Variants in FAT1 observed in about 807,000 individuals in gnomAD.
FAT1 encodes FAT atypical cadherin 1, also known as protocadherin Fat 1.
FAT1 carries 171 observed loss-of-function variants against 329.8 expected under a neutral mutation model. The observed-to-expected ratio is 0.52, with a 90% CI of 0.46 to 0.59. The LOEUF (loss-of-function observed/expected upper bound fraction) is 0.59. Ranked by LOEUF, FAT1 falls within the 20% of genes least tolerant of loss-of-function variation. The probability of loss-of-function intolerance (pLI) is 0.00; values close to 1 mark genes in which losing one functional copy is unlikely to be tolerated. For missense variants in FAT1, 5,672 were observed against 5,774.4 expected, an observed-to-expected ratio of 0.98 and a Z score of 0.57; for synonymous variants, 2,233 against 2,228.6, an observed-to-expected ratio of 1.00 and a Z score of -0.06.
intron 3 of FAT1, among the ~76,000 whole-genome samples, chr4:186,660,067 G>A (rs1379300299): frequency 1.3e-5 from 2 of 152,304 alleles, no homozygotes; most frequent in South Asian, 2.1e-4. Flanking sequence ...ACTATGGTCC[G>A]GATCTCTGGA....
intron 22 of FAT1, among the ~76,000 whole-genome samples, chr4:186,599,576 C>T (rs1385056773): frequency 1.3e-5 from 2 of 152,148 alleles, no homozygotes; most frequent in East Asian, 1.9e-4. Flanking sequence ...CTAAGCGGTA[C>T]GAATTCTAAA....
At chr4:186,634,805 T>C (rs1200069108) in intron 6 of FAT1, among the ~76,000 whole-genome samples, 3 of 152,236 alleles carry the variant, frequency 2.0e-5, no homozygotes, top group Admixed American at 1.3e-4. Context: ...GCGTGTCTCC[T>C]GGCACAGCCA....
chr4:186,628,236 G>T lies in FAT1; in HGVS notation c.4728C>A (p.Ala1576=). ...SYKGRVYESA[A]VGSVVLQVTA... is the part of the protein sequence containing the mutation. The stretch of plus-strand genomic sequence containing the variant: ...TCACCTGCAACACAACTGAGCCAAC[G>T]GCTGCCGATTCATAAACCCGCCCTT... The change falls in exon 9 of 27, where the codon GCC becomes GCA. Residue 1576 remains alanine, a synonymous_variant. Coordinates refer to ENST00000441802, the MANE Select transcript of FAT1 (RefSeq NM_005245.4). 2.5e-6 allele frequency: 4 copies of T among 1,613,890 alleles called. No homozygotes were observed. The highest frequency in any genetic ancestry group is 1.6e-4 in the Middle Eastern group (1 of 6,062).
At chr4:186,629,343 C>T (rs1229434590) in intron 7 of FAT1, among the ~76,000 whole-genome samples, 1 of 152,086 alleles carries the variant, frequency 6.6e-6, no homozygotes, top group Non-Finnish European at 1.5e-5. Context: ...AATATGTTTA[C>T]TCCCTAAAAC....
In FAT1 at chr4:186,588,344, ATTATT is replaced by A; in HGVS notation, c.*243_*247del. On this transcript the variant is annotated 3_prime_UTR_variant, in exon 27 of 27. Coordinates refer to ENST00000441802, the MANE Select transcript of FAT1 (RefSeq NM_005245.4). Reference sequence around the variant, plus strand: ...CAACACAGGACTGATTTTTCGTTTGATTATTTTAACACAGACAGATGTAAATCCCA... The same window carrying A: ...CAACACAGGACTGATTTTTCGTTTGATTAACACAGACAGATGTAAATCCCA... 2.1e-6 allele frequency: 1 copy of A among 472,548 alleles called. No individual in the cohort carries two copies. Among genetic ancestry groups the A allele is most frequent in the Non-Finnish European group, 3.7e-6 (1 of 269,082 alleles). The allele number at this position is 472,548 out of a possible 1,614,324, so 29.3% of individuals were successfully genotyped here.
chr4:186,667,112 T>A (rs1437231500), intron 2 of FAT1, among the ~76,000 whole-genome samples: 1 of 152,242 alleles, frequency 6.6e-6, no homozygotes, highest in Non-Finnish European at 1.5e-5. Context: ...AAAAGAATTA[T>A]GAAATGGAAG....
Position 186,721,235 on chromosome 4 carries a change from C to T in FAT1, c.-19+2429G>A, listed in dbSNP as rs138912593. On this transcript the variant is annotated intron_variant, in intron 1 of 26. Coordinates refer to ENST00000441802, the MANE Select transcript of FAT1 (RefSeq NM_005245.4). ...TCAGGCAATGTATTTAAATCTGGGA[C>T]TTACAGTAAAAGATGACTTAAAAAA... Among the ~76,000 whole-genome samples, 277 of 152,120 alleles carry T rather than the reference C, an allele frequency of 1.8e-3. 1 individual carries two copies. Among genetic ancestry groups the T allele is most frequent in the African/African-American group, 6.5e-3 (268 of 41,396 alleles).
intron 7 of FAT1, among the ~76,000 whole-genome samples, chr4:186,629,988 G>A (rs1172592202): frequency 6.6e-6 from 1 of 152,166 alleles, no homozygotes; most frequent in Non-Finnish European, 1.5e-5. Flanking sequence ...AGTGGGTACT[G>A]AGCAGAGAAG....
At chr4:186,625,135 C>T (rs941614537) in intron 9 of FAT1, among the ~76,000 whole-genome samples, 1 of 152,154 alleles carries the variant, frequency 6.6e-6, no homozygotes, top group Non-Finnish European at 1.5e-5. Flanking sequence ...TTTTAACCAC[C>T]CAGTTGTTGA....
At chr4:186,712,169 C>T (rs187166357) in intron 1 of FAT1, among the ~76,000 whole-genome samples, 1 of 152,290 alleles carries the variant, frequency 6.6e-6, no homozygotes, top group Admixed American at 6.5e-5. Flanking sequence ...ACTGGAAAAA[C>T]GAAGCTGATC....
At position 186,604,464 on chromosome 4, in the gene FAT1, C is replaced by G. The variant is rs779052617; in HGVS notation, c.10461G>C (p.Lys3487Asn). Residue 3487 changes from lysine (K) to asparagine (N), a missense_variant, in exon 18 of 27, where the codon AAG becomes AAC. Transcript: ENST00000441802. ...FFTIVTGNDE[K>N]AFEVNPQGVL... The stretch of plus-strand genomic sequence containing the variant: ...CTCCTTGCGGGTTAACTTCAAAAGC[C>G]TTCTCATCATTTCCAGTTACAATAG... 6.2e-7 allele frequency: 1 copy of G among 1,613,934 alleles called. No homozygotes were observed. The highest frequency in any genetic ancestry group is 8.5e-7 in the Non-Finnish European group (1 of 1,179,850).
intron 11 of FAT1, 29 bp from the exon 12 acceptor site, chr4:186,614,373 A>G (rs748289224): frequency 2.0e-6 from 3 of 1,464,636 alleles, no homozygotes; most frequent in South Asian, 2.9e-5. Context: ...AAAACGTTAC[A>G]TAAAAGCATT....
At chr4:186,718,453 G>C (rs1282622556) in intron 1 of FAT1, among the ~76,000 whole-genome samples, 1 of 152,090 alleles carries the variant, frequency 6.6e-6, no homozygotes, top group Admixed American at 6.6e-5. Context: ...CAGATCATGA[G>C]GTCAAGAGAT....
chr4:186,692,998 A>G (rs1159778145), intron 2 of FAT1, among the ~76,000 whole-genome samples: 1 of 152,210 alleles, frequency 6.6e-6, no homozygotes, highest in African/African-American at 2.4e-5. Context: ...TAGAAAATGA[A>G]GTAGGAAGAC....
intron 2 of FAT1, among the ~76,000 whole-genome samples, chr4:186,673,089 A>G (rs886088120): frequency 2.0e-5 from 3 of 152,206 alleles, no homozygotes; most frequent in Non-Finnish European, 4.4e-5. Context: ...GTATAAAAGT[A>G]TATAAAATAT....
At chr4:186,684,576 A>G (rs77123058) in intron 2 of FAT1, among the ~76,000 whole-genome samples, 3,575 of 152,208 alleles carry the variant, frequency 0.023, 170 homozygotes, top group East Asian at 0.16. Context: ...TCTTTAGGAC[A>G]CTTTAAATAA....
Position 186,621,681 on chromosome 4 carries a change from T to G in FAT1, c.4905A>C (p.Leu1635Phe). Reference sequence around the variant, plus strand: ...TGCCCTTATCTGTAGCTTTTACCATTAAATCATACTCCGCTTGGTTACTTC... The same window carrying G: ...TGCCCTTATCTGTAGCTTTTACCATGAAATCATACTCCGCTTGGTTACTTC... ...LDRSNQAEYD[L>F]MVKATDKGSP... is the part of the protein sequence containing the mutation. The change falls in exon 10 of 27, where the codon TTA (leucine) becomes TTC (phenylalanine). Residue 1635 changes from leucine to phenylalanine, a missense_variant. Leu to Phe is a conservative substitution (Grantham distance 22, BLOSUM62 0). Around this residue, in one of 2 missense-constraint regions of FAT1, gnomAD observed 3,966 missense variants for 3,915.2 expected, o/e 1.01. Transcript: ENST00000441802. The G allele has an allele frequency of 4.3e-6, 7 of 1,613,976 alleles. No homozygotes were observed. The highest frequency in any genetic ancestry group is 5.1e-6 in the Non-Finnish European group (6 of 1,179,884).
Position 186,588,648 on chromosome 4 carries a change from G to C in FAT1, c.13711C>G (p.His4571Asp), listed in dbSNP as rs1738069425. The change falls in exon 27 of 27, where the codon CAC becomes GAC. Residue 4571 changes from histidine (H) to aspartate (D), a missense_variant. His to Asp is a moderately conservative substitution (Grantham distance 81, BLOSUM62 -1). Transcript: ENST00000441802. ...MSDYESGDDG[H>D]FEEVTIPPLD... ...GGCGGGATCGTCACCTCTTCGAAGT[G>C]GCCGTCGTCCCCGCTCTCATAGTCA... 6.2e-7 allele frequency: 1 copy of C among 1,613,920 alleles called. No homozygotes were observed. The highest frequency in any genetic ancestry group is 1.3e-5 in the African/African-American group (1 of 75,050).
chr4:186,656,401 C>G (rs1164321083), intron 3 of FAT1, among the ~76,000 whole-genome samples: 1 of 152,202 alleles, frequency 6.6e-6, no homozygotes, highest in African/African-American at 2.4e-5. Flanking sequence ...AGTTAATATA[C>G]TAAGGAAGGG....
Sources: allele counts gnomAD v4.1 joint callset (sites outside exome capture counted in the v4.1 genomes callset), GRCh38; gene constraint gnomAD v4.1.1; regional missense constraint gnomAD v4.1.1; transcripts MANE v1.5; gene names NCBI Gene and HGNC (gene_info 2026-07-23, HGNC 2026-07-21).